CNTN4: variants seen among roughly 807,000 people sequenced by gnomAD.
The protein encoded by CNTN4 is contactin-4.
CNTN4 carries 77 observed loss-of-function variants against 122.5 expected under a neutral mutation model. The ratio of observed to expected loss-of-function variants is 0.63; its 90% CI spans 0.52 to 0.76. The LOEUF (loss-of-function observed/expected upper bound fraction) is 0.76, where lower values mean the gene tolerates loss of function less well. Among genes scored for constraint, CNTN4 ranks in the 30% least tolerant of loss-of-function variants. The probability of loss-of-function intolerance (pLI) is 0.00; values close to 1 mark genes in which losing one functional copy is unlikely to be tolerated. For missense variants in CNTN4, 1,256 were observed against 1,259.1 expected (o/e 1.00, Z 0.04); for synonymous variants, 512 against 447.0 (o/e 1.15, Z -1.83).
intron 3 of CNTN4, among the ~76,000 whole-genome samples, chr3:2,394,833 C>A (rs1182931827): frequency 1.5e-5 from 2 of 134,456 alleles, no homozygotes; most frequent in African/African-American, 5.4e-5. Context: ...GTCACCCAGA[C>A]TGGAGTACAG....
At chr3:2,426,302 C>T (rs1475046280) in intron 3 of CNTN4, among the ~76,000 whole-genome samples, 1 of 152,056 alleles carries the variant, frequency 6.6e-6, no homozygotes, top group East Asian at 1.9e-4. Flanking sequence ...TGTTGAAGTC[C>T]TTTTCTGCAT....
intron 6 of CNTN4, among the ~76,000 whole-genome samples, chr3:2,811,429 G>A (rs986115288): frequency 1.3e-5 from 2 of 149,366 alleles, no homozygotes; most frequent in African/African-American, 4.9e-5. Flanking sequence ...AAAAGTTTTG[G>A]TCCTTTACTT....
intron 4 of CNTN4, among the ~76,000 whole-genome samples, chr3:2,585,759 A>C (rs951434376): frequency 3.2e-4 from 49 of 151,852 alleles, no homozygotes; most frequent in African/African-American, 1.1e-3. Context: ...TAATGGGTGC[A>C]GCACACCAAC....
At chr3:2,857,157 G>A (rs1020526326) in intron 7 of CNTN4, among the ~76,000 whole-genome samples, 3 of 152,168 alleles carry the variant, frequency 2.0e-5, no homozygotes, top group Non-Finnish European at 2.9e-5. Context: ...TGTATGAAGC[G>A]GGCATAAGTG....
intron 4 of CNTN4, among the ~76,000 whole-genome samples, chr3:2,698,476 G>A (rs566417953): frequency 1.3e-5 from 2 of 152,262 alleles, no homozygotes; most frequent in African/African-American, 2.4e-5. Flanking sequence ...TGACCACAGC[G>A]AAGGCACTGA....
At chr3:2,462,420 G>A (rs1415034508) in intron 3 of CNTN4, among the ~76,000 whole-genome samples, 2 of 152,150 alleles carry the variant, frequency 1.3e-5, no homozygotes, top group Admixed American at 1.3e-4. Flanking sequence ...AACTCAGTTG[G>A]AGAAAATCAT....
intron 4 of CNTN4, among the ~76,000 whole-genome samples, chr3:2,730,159 C>CAT (rs1302270568): frequency 6.6e-6 from 1 of 151,954 alleles, no homozygotes; most frequent in African/African-American, 2.4e-5. Flanking sequence ...GGAATATTTG[C>CAT]ATATATATAA....
intron 6 of CNTN4, among the ~76,000 whole-genome samples, chr3:2,752,957 C>A (rs964812970): frequency 2.0e-5 from 3 of 152,154 alleles, no homozygotes; most frequent in Non-Finnish European, 2.9e-5. Flanking sequence ...GGATTTCATT[C>A]TTTTTATGGC....
chr3:2,194,068 AT>A (rs1489834928), intron 2 of CNTN4, among the ~76,000 whole-genome samples: 2 of 152,318 alleles, frequency 1.3e-5, no homozygotes, highest in African/African-American at 2.4e-5. Context: ...ACATAAAAAA[AT>A]GTCCCTGTTT....
intron 10 of CNTN4, among the ~76,000 whole-genome samples, chr3:2,888,881 C>T (rs945763276): frequency 5.9e-5 from 9 of 152,004 alleles, no homozygotes; most frequent in African/African-American, 2.2e-4. Flanking sequence ...GCACAAATTC[C>T]TGTTTGTTCC....
At chr3:2,289,020 A>T (rs1162484298) in intron 2 of CNTN4, among the ~76,000 whole-genome samples, 1 of 152,148 alleles carries the variant, frequency 6.6e-6, no homozygotes, top group Non-Finnish European at 1.5e-5. Context: ...AAATAATCCA[A>T]TCCCATACCC....
intron 7 of CNTN4, among the ~76,000 whole-genome samples, chr3:2,860,073 G>A (rs557935995): frequency 6.6e-6 from 1 of 152,328 alleles, no homozygotes; most frequent in South Asian, 2.1e-4. Flanking sequence ...CTTGAACAAA[G>A]CGAGTAGTCT....
chr3:2,645,944 C>T (rs894649188), intron 4 of CNTN4, among the ~76,000 whole-genome samples: 1 of 152,186 alleles, frequency 6.6e-6, no homozygotes, highest in African/African-American at 2.4e-5. Context: ...TCAACTGTAT[C>T]ACTTCAACTA....
In CNTN4 at chr3:2,288,473, C is replaced by T. The variant is rs563926868; in HGVS notation, c.-144-50705C>T. On this transcript the variant is annotated intron_variant, in intron 2 of 24. Transcript: ENST00000418658. Reference sequence around the variant, plus strand: ...TGGCACTAAGCCATTTTTGAGGTATCTATCTCCCTGACCCAAATACTTCCC... The same window carrying T: ...TGGCACTAAGCCATTTTTGAGGTATTTATCTCCCTGACCCAAATACTTCCC... Among the ~76,000 whole-genome samples, 13 of 152,280 alleles carry T rather than the reference C, an allele frequency of 8.5e-5. No individual in the cohort carries two copies. In the South Asian group the frequency reaches 2.7e-3, roughly 32 times the overall value.
At chr3:3,012,323 G>A in intron 14 of CNTN4, among the ~76,000 whole-genome samples, 1 of 152,212 alleles carries the variant, frequency 6.6e-6, no homozygotes, top group East Asian at 1.9e-4. Flanking sequence ...AAGGATTTTG[G>A]CATTTACTCT....
At chr3:2,940,989 G>A (rs2094609948) in intron 13 of CNTN4, among the ~76,000 whole-genome samples, 1 of 152,148 alleles carries the variant, frequency 6.6e-6, no homozygotes, top group African/African-American at 2.4e-5. Context: ...TTCCAAAAGA[G>A]GTGGTTTGTT....
At chr3:2,807,664 C>T (rs2092501898) in intron 6 of CNTN4, among the ~76,000 whole-genome samples, 1 of 152,160 alleles carries the variant, frequency 6.6e-6, no homozygotes, top group African/African-American at 2.4e-5. Flanking sequence ...TGATGCAAAG[C>T]ATGTCCAGTT....
Position 2,484,012 on chromosome 3 carries a change from G to A in CNTN4, c.-88-87404G>A, listed in dbSNP as rs574461896. Among the ~76,000 whole-genome samples, 506 of 152,210 alleles carry A rather than the reference G, an allele frequency of 3.3e-3. 5 individuals carry two copies. Among genetic ancestry groups the A allele is most frequent in the African/African-American group, 0.011 (448 of 41,552 alleles). ...TGCAAAAAGATACTGTCAAGAGAAT[G>A]AAAAGAACAACCACAAACTGGGAGA... is the stretch of plus-strand genomic sequence containing the variant. On this transcript the variant is annotated intron_variant, in intron 3 of 24. Coordinates refer to ENST00000418658, the MANE Select transcript of CNTN4 (RefSeq NM_175607.3).
intron 6 of CNTN4, among the ~76,000 whole-genome samples, chr3:2,802,953 A>G (rs2092383187): frequency 6.6e-6 from 1 of 152,250 alleles, no homozygotes; most frequent in African/African-American, 2.4e-5. Context: ...GCCTTAAAGA[A>G]AAGACTGATG....
Sources: gnomAD v4.1 joint callset for allele counts (sites outside exome capture counted in the v4.1 genomes callset) on GRCh38, gnomAD v4.1.1 for gene constraint, MANE v1.5 for transcripts, NCBI Gene and HGNC (gene_info 2026-07-23, HGNC 2026-07-21) for gene names.